Variants in SUSD6 observed in about 807,000 individuals in gnomAD.
SUSD6 encodes the protein sushi domain-containing protein 6.
SUSD6 carries 16 observed loss-of-function variants against 28.4 expected under a neutral mutation model. The ratio of observed to expected loss-of-function variants is 0.56; its 90% confidence interval spans 0.38 to 0.86. The LOEUF is 0.86. Ranked by LOEUF, SUSD6 falls within the 40% of genes least tolerant of loss-of-function variation. SUSD6 has a pLI of 0.00. For missense variants in SUSD6, 341 were observed against 384.2 expected, an observed-to-expected ratio of 0.89 and a Z score of 0.94; for synonymous variants, 147 against 159.6, an observed-to-expected ratio of 0.92 and a Z score of 0.59.
intron 1 of SUSD6, among the ~76,000 whole-genome samples, 155 bp downstream of exon 1, chr14:69,611,983 G>T (rs1257979867): frequency 4.0e-5 from 6 of 149,306 alleles, no homozygotes; most frequent in African/African-American, 9.7e-5. Context: ...GCTTCTCTGC[G>T]CCGGCCCGCT....
chr14:69,648,808 G>T (rs1595041421), intron 1 of SUSD6, among the ~76,000 whole-genome samples: 1 of 152,212 alleles, frequency 6.6e-6, no homozygotes, highest in Admixed American at 6.5e-5. Flanking sequence ...TTGAGTGAAG[G>T]TATATAGACA....
intron 1 of SUSD6, among the ~76,000 whole-genome samples, chr14:69,654,790 G>GTGTGTGT (rs1491558166): frequency 1.0e-5 from 1 of 98,992 alleles, no homozygotes; most frequent in African/African-American, 4.1e-5. Context: ...TTTTTTTTTT[G>GTGTGTGT]GTGTGTGTGT....
intron 2 of SUSD6, among the ~76,000 whole-genome samples, chr14:69,660,253 T>G (rs1426853195): frequency 6.6e-6 from 1 of 152,120 alleles, no homozygotes; most frequent in Non-Finnish European, 1.5e-5. Context: ...TCAGCTAATC[T>G]TTTTTTTCTT....
At chr14:69,670,221 G>A (rs947945228) in intron 2 of SUSD6, among the ~76,000 whole-genome samples, 1 of 152,220 alleles carries the variant, frequency 6.6e-6, no homozygotes, top group East Asian at 1.9e-4. Flanking sequence ...ATCATATGTA[G>A]TAAGCCTGTG....
chr14:69,672,917 G>C (rs2139624439), intron 2 of SUSD6, among the ~76,000 whole-genome samples: 1 of 152,326 alleles, frequency 6.6e-6, no homozygotes, highest in Non-Finnish European at 1.5e-5. Context: ...ACAGTACTAG[G>C]TGAGGCCATT....
At chr14:69,673,436 T>C (rs1384244698) in intron 2 of SUSD6, among the ~76,000 whole-genome samples, 3 of 152,124 alleles carry the variant, frequency 2.0e-5, no homozygotes, top group African/African-American at 4.8e-5. Flanking sequence ...GAAAAAAACC[T>C]GTCTGACTCT....
intron 2 of SUSD6, among the ~76,000 whole-genome samples, chr14:69,689,579 C>T (rs992467186): frequency 1.5e-4 from 23 of 152,166 alleles, no homozygotes; most frequent in Non-Finnish European, 2.9e-5. Flanking sequence ...ACACATAGTG[C>T]TTAATAGAAA....
At chr14:69,669,331 G>C (rs534003065) in intron 2 of SUSD6, among the ~76,000 whole-genome samples, 97 of 152,246 alleles carry the variant, frequency 6.4e-4, no homozygotes, top group African/African-American at 2.2e-3. Context: ...CAAAGTGCTG[G>C]GATTACAGGC....
At chr14:69,633,831 G>A (rs1338257824) in intron 1 of SUSD6, among the ~76,000 whole-genome samples, 1 of 152,190 alleles carries the variant, frequency 6.6e-6, no homozygotes, top group Admixed American at 6.5e-5. Flanking sequence ...GTATATAGAA[G>A]ATTGTCAGGA....
At chr14:69,634,774 T>C (rs1885240694) in intron 1 of SUSD6, among the ~76,000 whole-genome samples, 1 of 152,258 alleles carries the variant, frequency 6.6e-6, no homozygotes, top group Non-Finnish European at 1.5e-5. Flanking sequence ...TTACATCTTT[T>C]ATTTCTGGTA....
At chr14:69,707,108 A>G (rs188849401) in intron 4 of SUSD6, among the ~76,000 whole-genome samples, 1 of 152,198 alleles carries the variant, frequency 6.6e-6, no homozygotes, top group African/African-American at 2.4e-5. Flanking sequence ...AATGCAATAC[A>G]TGATACTTAA....
rs75342409 is a variant in SUSD6 at position 69,670,671 on chromosome 14, T to C, written c.121+11958T>C. ...CCCTCAGTTCTTCATATCTGTAAAA[T>C]TGGGATGATAACGTACATACCATAT... On this transcript the variant is annotated intron_variant, in intron 2 of 5. Coordinates refer to ENST00000342745, the MANE Select transcript of SUSD6 (RefSeq NM_014734.4). 9.8e-3 allele frequency among the ~76,000 whole-genome samples: 1,495 copies of C among 152,376 alleles called. 16 individuals are homozygous for C. The highest frequency in any genetic ancestry group is 0.016 in the Non-Finnish European group (1,079 of 68,042).
chr14:69,649,900 G>C (rs1012830222), intron 1 of SUSD6, among the ~76,000 whole-genome samples: 1 of 152,114 alleles, frequency 6.6e-6, no homozygotes. Context: ...AGACTTCCAG[G>C]CCTCTTGAAT....
At chr14:69,710,213 C>CCCTCCTCTT (rs1226370128) in intron 5 of SUSD6, among the ~76,000 whole-genome samples, 31 of 152,266 alleles carry the variant, frequency 2.0e-4, no homozygotes, top group East Asian at 1.9e-4. Flanking sequence ...CAAGGTGGGG[C>CCCTCCTCTT]CCTCCTCTTC....
intron 1 of SUSD6, among the ~76,000 whole-genome samples, chr14:69,648,879 T>C (rs758638094): frequency 4.6e-5 from 7 of 151,994 alleles, no homozygotes; most frequent in Non-Finnish European, 8.8e-5. Context: ...CAAAATTAAG[T>C]TTTTTTTCCC....
chr14:69,663,812 C>T (rs1306559484), intron 2 of SUSD6, among the ~76,000 whole-genome samples: 1 of 152,150 alleles, frequency 6.6e-6, no homozygotes, highest in African/African-American at 2.4e-5. Flanking sequence ...TGCTGAGTGA[C>T]AGGCTTCACT....
intron 2 of SUSD6, among the ~76,000 whole-genome samples, chr14:69,671,482 G>C (rs555631845): frequency 5.9e-5 from 9 of 152,302 alleles, no homozygotes; most frequent in African/African-American, 2.2e-4. Flanking sequence ...CTCGTAGGAG[G>C]CATGTCTGAC....
chr14:69,709,724 G>A (rs1016280640), intron 5 of SUSD6, among the ~76,000 whole-genome samples: 1 of 152,174 alleles, frequency 6.6e-6, no homozygotes, highest in Admixed American at 6.6e-5. Flanking sequence ...TGGCTCTAGC[G>A]CCCTTGTGGC....
chr14:69,697,603 C>T (rs1886245020), intron 2 of SUSD6, among the ~76,000 whole-genome samples: 1 of 152,096 alleles, frequency 6.6e-6, no homozygotes, highest in Non-Finnish European at 1.5e-5. Flanking sequence ...ATTTATCTTC[C>T]TAATTGGCTA....
Sources: gnomAD v4.1 joint callset for allele counts (sites outside exome capture counted in the v4.1 genomes callset) on GRCh38, gnomAD v4.1.1 for gene constraint, MANE v1.5 for transcripts, NCBI Gene and HGNC (gene_info 2026-07-23, HGNC 2026-07-21) for gene names.